Variants in PLXNA4 observed in about 807,000 individuals in gnomAD.
PLXNA4 encodes plexin A4, also known as plexin-A4.
A neutral mutation model predicts 191.8 loss-of-function variants in PLXNA4; 44 were observed. That is an observed-to-expected ratio of 0.23 (90% confidence interval 0.18 to 0.29). The LOEUF is 0.29. Ranked by LOEUF, PLXNA4 falls within the 10% of genes least tolerant of loss-of-function variation. The probability of loss-of-function intolerance (pLI) is 1.00; values close to 1 mark genes in which losing one functional copy is unlikely to be tolerated. For synonymous variants in PLXNA4, 1,082 were observed against 1,009.5 expected (o/e 1.07, Z -1.36); for missense variants, 1,800 against 2,488.8 (o/e 0.72, Z 5.89).
chr7:132,568,086 T>TA, intron 1 of PLXNA4, among the ~76,000 whole-genome samples: 1 of 152,262 alleles, frequency 6.6e-6, no homozygotes, highest in Non-Finnish European at 1.5e-5. Context: ...ACAAGAGTAG[T>TA]AAAAAACGTT....
intron 1 of PLXNA4, among the ~76,000 whole-genome samples, chr7:132,647,362 T>TACAC (rs1447055430): frequency 6.9e-6 from 1 of 145,674 alleles, no homozygotes; most frequent in African/African-American, 2.6e-5. Flanking sequence ...TACACTGACA[T>TACAC]ACACACACAC....
chr7:132,559,548 C>G (rs1800943482), intron 1 of PLXNA4, among the ~76,000 whole-genome samples: 1 of 152,186 alleles, frequency 6.6e-6, no homozygotes. Flanking sequence ...GGGGCCTCTC[C>G]CCATCCCCAA....
intron 4 of PLXNA4, among the ~76,000 whole-genome samples, chr7:132,251,930 A>C (rs918584502): frequency 6.6e-6 from 1 of 152,168 alleles, no homozygotes; most frequent in African/African-American, 2.4e-5. Flanking sequence ...ATGATTGGAA[A>C]CTGATATTCC....
Position 132,349,082 on chromosome 7 carries a change from C to T in PLXNA4, c.1372-50860G>A, listed in dbSNP as rs572465229. On this transcript the variant is annotated intron_variant, in intron 3 of 31. Transcript: ENST00000321063. The stretch of plus-strand genomic sequence containing the variant: ...AGCCATCCAACGCCGAAAGATGGGT[C>T]AAGGACCATAATGGTCTCAGTGAGC... Among the ~76,000 whole-genome samples, 269 of 152,274 alleles carry T rather than the reference C, an allele frequency of 1.8e-3. 1 individual carries two copies. The highest frequency in any genetic ancestry group is 6.8e-3 in the Middle Eastern group (2 of 294).
chr7:132,216,685 C>G lies in PLXNA4; in HGVS notation c.2098-5542G>C, dbSNP rs117264004. ...AGACACACACACAGACACACATGCA[C>G]AAACACATATAAGATCACTCCTATG... On this transcript the variant is annotated intron_variant, in intron 9 of 31. Coordinates refer to ENST00000321063, the MANE Select transcript of PLXNA4 (RefSeq NM_020911.2). 4.3e-3 allele frequency among the ~76,000 whole-genome samples: 653 copies of G among 152,290 alleles called. 10 individuals are homozygous for G. The highest frequency in any genetic ancestry group is 0.036 in the East Asian group (184 of 5,182).
At chr7:132,198,309 T>TA (rs1365523255) in intron 13 of PLXNA4, among the ~76,000 whole-genome samples, 176 bp downstream of exon 13, 1 of 152,230 alleles carries the variant, frequency 6.6e-6, no homozygotes, top group East Asian at 1.9e-4. Context: ...GGCAGCTAGC[T>TA]AACTGAGCAG....
chr7:132,595,835 T>A (rs1802700702), intron 2 of PLXNA4, among the ~76,000 whole-genome samples: 1 of 152,228 alleles, frequency 6.6e-6, no homozygotes, highest in South Asian at 2.1e-4. Context: ...ATTGTTATCA[T>A]CTTGTCACAT....
At chr7:132,590,041 T>C (rs555022768) in intron 2 of PLXNA4, among the ~76,000 whole-genome samples, 2 of 152,232 alleles carry the variant, frequency 1.3e-5, no homozygotes, top group Admixed American at 6.5e-5. Flanking sequence ...GGTAGAACTA[T>C]GCAAGGGAAA....
At chr7:132,259,475 A>G (rs867553866) in intron 4 of PLXNA4, among the ~76,000 whole-genome samples, 2 of 130,690 alleles carry the variant, frequency 1.5e-5, no homozygotes, top group Non-Finnish European at 1.6e-5. Flanking sequence ...AAAAAAAAAG[A>G]AAAAAGGAAA....
At chr7:132,580,357 C>G (rs1802379857), upstream of PLXNA4, among the ~76,000 whole-genome samples, 1 of 152,278 alleles carries the variant, frequency 6.6e-6, no homozygotes, top group South Asian at 2.1e-4. Flanking sequence ...TCCTCTACCC[C>G]CTCTCCCTTG....
intron 3 of PLXNA4, among the ~76,000 whole-genome samples, chr7:132,473,316 T>G (rs1796999833): frequency 6.6e-6 from 1 of 152,178 alleles, no homozygotes; most frequent in Non-Finnish European, 1.5e-5. Context: ...TTAGTGTGTC[T>G]GGTGGTCAGA....
intron 1 of PLXNA4, among the ~76,000 whole-genome samples, chr7:132,527,451 C>T (rs1799442451): frequency 6.9e-6 from 1 of 145,520 alleles, no homozygotes; most frequent in African/African-American, 2.5e-5. Flanking sequence ...TTTAAAGAGG[C>T]TAAATGCCTT....
rs144708580 is a variant in PLXNA4 at position 132,153,194 on chromosome 7, G to A, written c.4661-4548C>T. 4.9e-3 allele frequency among the ~76,000 whole-genome samples: 749 copies of A among 152,300 alleles called. 6 individuals are homozygous for A. Among genetic ancestry groups the A allele is most frequent in the Non-Finnish European group, 8.5e-3 (577 of 68,022 alleles). ...TAGGCGTTCACTGGCTGGCCAGGGG[G>A]ACAAGTGTTCTGGTCCAAAGGTGGC... On this transcript the variant is annotated intron_variant, in intron 25 of 31. Coordinates refer to ENST00000321063, the MANE Select transcript of PLXNA4 (RefSeq NM_020911.2).
At chr7:132,522,137 G>A (rs999991513) in intron 1 of PLXNA4, among the ~76,000 whole-genome samples, 1 of 152,190 alleles carries the variant, frequency 6.6e-6, no homozygotes, top group African/African-American at 2.4e-5. Context: ...AATCCACTCT[G>A]TGGATCAGTT....
intron 1 of PLXNA4, among the ~76,000 whole-genome samples, chr7:132,515,213 A>G (rs1212083898): frequency 1.3e-5 from 2 of 152,168 alleles, no homozygotes; most frequent in Admixed American, 6.5e-5. Flanking sequence ...CACAGGGGTG[A>G]GAGCAGGGGA....
chr7:132,621,253 TTTTTTG>T, intron 2 of PLXNA4, among the ~76,000 whole-genome samples: 1 of 125,170 alleles, frequency 8.0e-6, no homozygotes, highest in African/African-American at 3.0e-5. Context: ...TTTGTTTTTT[TTTTTTG>T]GTTTTTTTGT....
At chr7:132,606,703 G>T (rs148931789) in intron 2 of PLXNA4, among the ~76,000 whole-genome samples, 13 of 152,262 alleles carry the variant, frequency 8.5e-5, no homozygotes, top group African/African-American at 3.1e-4. Flanking sequence ...ATGGGGCTGG[G>T]CACAGTTTTA....
intron 3 of PLXNA4, among the ~76,000 whole-genome samples, chr7:132,341,143 A>T (rs747112913): frequency 6.6e-6 from 1 of 152,142 alleles, no homozygotes; most frequent in Non-Finnish European, 1.5e-5. Context: ...GAGACTCATA[A>T]CCTCCATCAG....
chr7:132,261,904 A>G (rs549155367), intron 4 of PLXNA4, among the ~76,000 whole-genome samples: 22 of 152,298 alleles, frequency 1.4e-4, no homozygotes, highest in Non-Finnish European at 2.4e-4. Flanking sequence ...AGTCCCAGGG[A>G]AATGAGTGTA....
Sources: gnomAD v4.1 joint callset for allele counts (sites outside exome capture counted in the v4.1 genomes callset) on GRCh38, gnomAD v4.1.1 for gene constraint, MANE v1.5 for transcripts, NCBI Gene and HGNC (gene_info 2026-07-23, HGNC 2026-07-21) for gene names.